The following SNX13 variants were observed in gnomAD, a reference collection of about 807,000 sequenced individuals.
SNX13 encodes the protein sorting nexin 13.
Under a neutral mutation model 133.6 loss-of-function variants are expected in SNX13, and 45 were observed. That is an observed-to-expected ratio of 0.34 (90% confidence interval 0.27 to 0.43). SNX13 has a LOEUF of 0.43. SNX13 is among the 20% of genes least tolerant of loss of function. The pLI, the probability that SNX13 is intolerant of heterozygous loss-of-function variation, is 1.00. For synonymous variants in SNX13, 414 were observed against 373.9 expected, an observed-to-expected ratio of 1.11 and a Z score of -1.24; for missense variants, 1,032 against 1,145.1, an observed-to-expected ratio of 0.90 and a Z score of 1.43.
intron 15 of SNX13, chr7:17,830,618 A>AT: frequency 1.0e-6 from 1 of 984,158 alleles, no homozygotes; most frequent in Non-Finnish European, 1.2e-6. Flanking sequence ...ATGCAATTCC[A>AT]TTTCATTAAA....
intron 1 of SNX13, among the ~76,000 whole-genome samples, chr7:17,927,243 A>G (rs1417216086): frequency 6.7e-6 from 1 of 149,922 alleles, no homozygotes; most frequent in Non-Finnish European, 1.5e-5. Flanking sequence ...ATATATATAT[A>G]TGTATATATA....
At chr7:17,881,054 CA>C (rs1415751782) in intron 5 of SNX13, 2 of 151,962 alleles carry the variant, frequency 1.3e-5, no homozygotes, top group Non-Finnish European at 2.9e-5. Flanking sequence ...TGCCTTATGT[CA>C]AAATGATAAA....
intron 1 of SNX13, among the ~76,000 whole-genome samples, chr7:17,921,396 C>T (rs1800115559): frequency 6.6e-6 from 1 of 152,118 alleles, no homozygotes; most frequent in African/African-American, 2.4e-5. Flanking sequence ...CCAGTGATTC[C>T]ATCCCTCCTA....
intron 1 of SNX13, among the ~76,000 whole-genome samples, chr7:17,910,659 C>T (rs1798865660): frequency 6.6e-6 from 1 of 152,138 alleles, no homozygotes. Context: ...GGAGGAAATG[C>T]CCCAAATGTT....
At chr7:17,803,662 T>G in intron 20 of SNX13, 82 bp from the exon 21 acceptor site, 1 of 1,222,256 alleles carries the variant, frequency 8.2e-7, no homozygotes, top group Non-Finnish European at 1.1e-6. Context: ...AAATATAGAG[T>G]GCAACACTGG....
Position 17,845,679 on chromosome 7 carries a change from T to C in SNX13, c.1081A>G (p.Lys361Glu). Residue 361 changes from lysine to glutamate, a missense_variant, in exon 12 of 26, where the codon AAA (lysine) becomes GAA (glutamate). Transcript: ENST00000428135. ...LQSGKEINTV[K>E]LAANFGKLCT... ...AGTTTCCCAAAGTTTGCTGCAAGTT[T>C]CACAGTATTTATTTCCTACAGGCAA... 1 of 1,596,194 alleles carries C rather than the reference T, an allele frequency of 6.3e-7. No individual in the cohort carries two copies. Among genetic ancestry groups the C allele is most frequent in the Non-Finnish European group, 8.5e-7 (1 of 1,171,204 alleles).
intron 1 of SNX13, among the ~76,000 whole-genome samples, chr7:17,920,042 C>T (rs977732810): frequency 7.9e-5 from 12 of 152,062 alleles, no homozygotes; most frequent in African/African-American, 2.7e-4. Flanking sequence ...TTTGATGTGG[C>T]CTAAATCCCC....
chr7:17,900,474 G>C (rs1797700915), intron 1 of SNX13, among the ~76,000 whole-genome samples: 2 of 152,324 alleles, frequency 1.3e-5, no homozygotes, highest in East Asian at 1.9e-4. Context: ...GAAACCTCAG[G>C]AATCTACCTG....
chr7:17,830,359 T>C, intron 15 of SNX13: 3 of 984,366 alleles, frequency 3.0e-6, no homozygotes, highest in Non-Finnish European at 3.6e-6. Context: ...AGTTGCCTAA[T>C]ACAATATAAG....
chr7:17,894,312 GA>G (rs1225551642), intron 2 of SNX13, among the ~76,000 whole-genome samples: 1 of 151,342 alleles, frequency 6.6e-6, no homozygotes, highest in Admixed American at 6.6e-5. Context: ...AAAAAGAAAA[GA>G]AAAATCAGCC....
chr7:17,808,458 A>T (rs1785581294), intron 20 of SNX13, among the ~76,000 whole-genome samples: 1 of 152,234 alleles, frequency 6.6e-6, no homozygotes, highest in African/African-American at 2.4e-5. Flanking sequence ...GACTATGAGA[A>T]AAGACCAAAC....
intron 5 of SNX13, among the ~76,000 whole-genome samples, chr7:17,885,699 G>C (rs981435294): frequency 3.6e-4 from 55 of 152,222 alleles, no homozygotes; most frequent in African/African-American, 1.3e-3. Context: ...GTGGCAGCGT[G>C]CACCTGTAAT....
chr7:17,835,900 G>T lies in SNX13; in HGVS notation c.1360-1035C>A, dbSNP rs1190718789. On this transcript the variant is annotated intron_variant, in intron 13 of 25. Coordinates refer to ENST00000428135, the MANE Select transcript of SNX13 (RefSeq NM_015132.5). The stretch of plus-strand genomic sequence containing the variant: ...TGCTTATTTGTTTTGTGTTTCGGGG[G>T]GTAGTAGAGTTGCCCTGAAATAGAA... 2.0e-5 allele frequency among the ~76,000 whole-genome samples: 3 copies of T among 151,694 alleles called. No individual in the cohort carries two copies. In the East Asian group the frequency reaches 5.8e-4, roughly 29 times the overall value.
At chr7:17,862,147 A>T (rs1015760606) in intron 9 of SNX13, among the ~76,000 whole-genome samples, 1 of 152,230 alleles carries the variant, frequency 6.6e-6, no homozygotes, top group African/African-American at 2.4e-5. Context: ...CTGAACACTA[A>T]AAAATATCTG....
At chr7:17,898,868 T>C (rs2714872) in intron 1 of SNX13, 56,966 of 151,992 alleles carry the variant, frequency 0.37, 11,107 homozygotes, top group East Asian at 0.6. Flanking sequence ...CTTATTCCTT[T>C]GTGTTTTATT....
chr7:17,828,402 A>G (rs2128307481), intron 16 of SNX13, among the ~76,000 whole-genome samples: 1 of 151,852 alleles, frequency 6.6e-6, no homozygotes, highest in East Asian at 1.9e-4. Context: ...ACACTAAGAC[A>G]AAAACTGAAA....
intron 1 of SNX13, among the ~76,000 whole-genome samples, chr7:17,928,713 T>C (rs545071374): frequency 2.0e-5 from 3 of 152,200 alleles, no homozygotes; most frequent in African/African-American, 4.8e-5. Flanking sequence ...GTAGATTTTG[T>C]AGGTGTTAAG....
intron 18 of SNX13, among the ~76,000 whole-genome samples, chr7:17,820,820 T>C (rs1425262416): frequency 6.6e-6 from 1 of 152,056 alleles, no homozygotes; most frequent in Non-Finnish European, 1.5e-5. Flanking sequence ...TTTTTAAGAG[T>C]TAAAATAAGT....
At chr7:17,851,381 T>C (rs966837945) in intron 9 of SNX13, among the ~76,000 whole-genome samples, 5 of 152,140 alleles carry the variant, frequency 3.3e-5, no homozygotes, top group Non-Finnish European at 7.4e-5. Flanking sequence ...CTCTCTAACC[T>C]AAAATATAAC....
Sources: gnomAD v4.1 joint callset for allele counts (sites outside exome capture counted in the v4.1 genomes callset) on GRCh38, gnomAD v4.1.1 for gene constraint, MANE v1.5 for transcripts, NCBI Gene and HGNC (gene_info 2026-07-23, HGNC 2026-07-21) for gene names.